Variants in ZFPM1 observed in about 807,000 individuals in gnomAD.
ZFPM1 encodes zinc finger protein ZFPM1.
Under a neutral mutation model 46.3 loss-of-function variants are expected in ZFPM1, and 28 were observed. That is an observed-to-expected ratio of 0.60 (90% CI 0.45 to 0.83). The LOEUF is 0.83. ZFPM1 is among the 40% of genes least tolerant of loss of function. The pLI, the probability that ZFPM1 is intolerant of heterozygous loss-of-function variation, is 0.00. For missense variants in ZFPM1, 1,878 were observed against 1,432.4 expected (o/e 1.31, Z -5.02); for synonymous variants, 957 against 675.9 (o/e 1.42, Z -6.45).
Position 88,465,151 on chromosome 16 carries a change from G to T in ZFPM1, c.40+11473G>T, listed in dbSNP as rs369230847. The stretch of plus-strand genomic sequence containing the variant: ...AACCACAGAGCATCCGGCCTACACC[G>T]CAGCGGCCTCTGCACAGACCCCGTG... On this transcript the variant is annotated intron_variant, in intron 1 of 9. Coordinates refer to ENST00000319555, the MANE Select transcript of ZFPM1 (RefSeq NM_153813.3). Among the ~76,000 whole-genome samples the T allele has an allele frequency of 3.9e-5, 6 of 152,242 alleles. No individual in the cohort carries two copies. In the East Asian group the frequency reaches 5.8e-4, roughly 15 times the overall value.
At chr16:88,466,386 A>G (rs764518766) in intron 1 of ZFPM1, among the ~76,000 whole-genome samples, 16 of 152,230 alleles carry the variant, frequency 1.1e-4, no homozygotes, top group Non-Finnish European at 2.2e-4. Context: ...ATCACACAGC[A>G]TGAAGAGAAC....
chr16:88,532,472 G>A (rs1019001079), intron 7 of ZFPM1, 142 bp from the exon 8 acceptor site: 9 of 911,038 alleles, frequency 9.9e-6, no homozygotes, highest in South Asian at 1.7e-5. Flanking sequence ...AAAGGCGGAG[G>A]AGGAGGAGGA....
chr16:88,473,619 T>G (rs928094368), intron 1 of ZFPM1, among the ~76,000 whole-genome samples: 7 of 152,038 alleles, frequency 4.6e-5, no homozygotes, highest in Non-Finnish European at 1.0e-4. Flanking sequence ...TGACGCAGGC[T>G]GCGCGGCGAT....
chr16:88,522,977 G>T (rs184942891), intron 4 of ZFPM1, among the ~76,000 whole-genome samples: 1 of 152,184 alleles, frequency 6.6e-6, no homozygotes, highest in East Asian at 1.9e-4. Flanking sequence ...AGGCCAAGGC[G>T]GGCAGATCAC....
At position 88,532,240 on chromosome 16, in the gene ZFPM1, GCCCCCA is replaced by G; in HGVS notation, c.946+10_946+15del. ...TCCACATGCGCAGCCACAGCGGTGAGCCCCCACCCCGGACGCGGGTCCTCAGGATGC... is the reference window on the plus strand; with the variant it reads ...TCCACATGCGCAGCCACAGCGGTGAGCCCCGGACGCGGGTCCTCAGGATGC... On this transcript the variant is annotated splice_donor_region_variant and intron_variant, in intron 7 of 9. Transcript: ENST00000319555. 6.3e-7 allele frequency: 1 copy of G among 1,590,622 alleles called. No homozygotes were observed. The highest frequency in any genetic ancestry group is 8.6e-7 in the Non-Finnish European group (1 of 1,165,150).
rs752433684 is a variant in ZFPM1 at position 88,534,505 on chromosome 16, C to A, written c.2547C>A (p.Leu849=). Residue 849 remains leucine, a synonymous_variant, in exon 10 of 10, where the codon CTC becomes CTA. Transcript: ENST00000319555. ...SCPAAPPPGA[L]GLPAAACPYC... is the part of the protein sequence containing the mutation. The stretch of plus-strand genomic sequence containing the variant: ...CCGCTGCGCCACCGCCCGGCGCGCT[C>A]GGCCTGCCCGCCGCCGCCTGCCCCT... 4 of 1,453,052 alleles carry A rather than the reference C, an allele frequency of 2.8e-6. No homozygotes were observed. The highest frequency in any genetic ancestry group is 3.6e-6 in the Non-Finnish European group (4 of 1,106,802). 90.0% of individuals were successfully genotyped at this position (1,453,052 alleles called of 1,614,324 possible). A position where few individuals can be genotyped will look rare whatever the true frequency, so the allele number is the denominator to read the frequency against.
At chr16:88,483,668 G>A (rs1597240892) in intron 1 of ZFPM1, among the ~76,000 whole-genome samples, 3 of 152,132 alleles carry the variant, frequency 2.0e-5, no homozygotes, top group Admixed American at 6.5e-5. Flanking sequence ...ACAGTGGCCC[G>A]GACACCCAGG....
In ZFPM1 at chr16:88,532,795, G is replaced by A. The variant is rs1912899162; in HGVS notation, c.1049G>A (p.Cys350Tyr). The A allele has an allele frequency of 1.9e-6, 3 of 1,613,220 alleles. No individual in the cohort carries two copies. The highest frequency in any genetic ancestry group is 2.5e-6 in the Non-Finnish European group (3 of 1,179,924). Residue 350 changes from cysteine to tyrosine, a missense_variant, in exon 9 of 10, where the codon TGC becomes TAC. Cys to Tyr is a radical substitution (Grantham distance 194). Coordinates refer to ENST00000319555, the MANE Select transcript of ZFPM1 (RefSeq NM_153813.3). ...KVHTDTLSGV[C>Y]HSCGFISTTR... is the part of the protein sequence containing the mutation. Reference sequence around the variant, plus strand: ...ACCTCGCCATGGCCCACAGGTGTCTGCCACAGCTGTGGCTTCATCTCCACC... The same window carrying A: ...ACCTCGCCATGGCCCACAGGTGTCTACCACAGCTGTGGCTTCATCTCCACC...
intron 4 of ZFPM1, chr16:88,516,388 A>G: frequency 2.5e-6 from 1 of 397,764 alleles, no homozygotes; most frequent in Non-Finnish European, 4.4e-6. Context: ...ACGGGGTTAG[A>G]AACGCTCCCA....
intron 3 of ZFPM1, among the ~76,000 whole-genome samples, chr16:88,509,654 G>A (rs1910847098): frequency 6.6e-6 from 1 of 152,134 alleles, no homozygotes; most frequent in Non-Finnish European, 1.5e-5. Context: ...GGGTTCAGGA[G>A]CAGGTGGAGA....
At chr16:88,492,463 C>T (rs981135633) in intron 3 of ZFPM1, among the ~76,000 whole-genome samples, 3 of 152,196 alleles carry the variant, frequency 2.0e-5, no homozygotes, top group African/African-American at 4.8e-5. Flanking sequence ...GGGCACTCTG[C>T]ACCTTGTGGC....
At position 88,461,119 on chromosome 16, in the gene ZFPM1, CCAGG is replaced by C. The variant is rs1204378625; in HGVS notation, c.40+7442_40+7445del. On this transcript the variant is annotated intron_variant, in intron 1 of 9. Transcript: ENST00000319555. ...AGGGGCAGGAGGCCCTGGTGAGGAC[CCAGG>C]GATGGGGCGGGAGACCTGGTGAGGA... Among the ~76,000 whole-genome samples the C allele has an allele frequency of 2.0e-4, 18 of 88,990 alleles. 1 individual carries two copies. The highest frequency in any genetic ancestry group is 7.2e-4 in the South Asian group (2 of 2,796). The allele number at this position is 88,990 out of a possible 152,430, so 58.4% of individuals were successfully genotyped here.
intron 1 of ZFPM1, among the ~76,000 whole-genome samples, chr16:88,483,485 C>A (rs569818394): frequency 1.3e-5 from 2 of 152,350 alleles, no homozygotes; most frequent in Admixed American, 1.3e-4. Context: ...CCAGAGCTGT[C>A]TTCTCAGGGG....
At chr16:88,502,929 C>T (rs1049594201) in intron 3 of ZFPM1, among the ~76,000 whole-genome samples, 10 of 152,262 alleles carry the variant, frequency 6.6e-5, no homozygotes, top group Non-Finnish European at 8.8e-5. Flanking sequence ...GCCCTCAGAG[C>T]GCTCGCCACC....
At chr16:88,514,032 G>C (rs553504673) in intron 3 of ZFPM1, among the ~76,000 whole-genome samples, 1 of 152,176 alleles carries the variant, frequency 6.6e-6, no homozygotes, top group Admixed American at 6.5e-5. Context: ...TCTTTTGGGG[G>C]CCCCCAGTCA....
intron 4 of ZFPM1, among the ~76,000 whole-genome samples, chr16:88,517,820 AGATG>A (rs966800733): frequency 4.1e-5 from 4 of 97,002 alleles, no homozygotes; most frequent in Non-Finnish European, 6.3e-5. Flanking sequence ...GTGGGTGGGT[AGATG>A]GATGGATGGA....
intron 4 of ZFPM1, among the ~76,000 whole-genome samples, chr16:88,521,580 C>A (rs575823684): frequency 2.6e-4 from 36 of 139,336 alleles, no homozygotes; most frequent in African/African-American, 8.6e-4. Flanking sequence ...CTGTGCTGTT[C>A]CCCCAACCCA....
chr16:88,489,362 A>C, intron 3 of ZFPM1: 1 of 748,714 alleles, frequency 1.3e-6, no homozygotes, highest in Non-Finnish European at 2.0e-6. Flanking sequence ...CCCGGGCCTC[A>C]CGTGGTGTAC....
rs373495439 is a variant in ZFPM1, at chr16:88,534,911, A to G, written c.2953A>G (p.Ser985Gly). The part of the protein sequence containing the change: ...YCRLCNIKFS[S>G]LSTFIAHKKY... ...CCGTCTTTGCAACATCAAGTTCAGCAGCCTGTCCACCTTCATCGCCCACAA... is the reference window on the plus strand; with the variant it reads ...CCGTCTTTGCAACATCAAGTTCAGCGGCCTGTCCACCTTCATCGCCCACAA... The change falls in exon 10 of 10, where the codon AGC (serine) becomes GGC (glycine). Residue 985 changes from serine to glycine, a missense_variant. Physicochemically the swap from Ser to Gly is moderately conservative, Grantham distance 56. Transcript: ENST00000319555. The G allele has an allele frequency of 8.3e-6, 13 of 1,558,480 alleles. No homozygotes were observed. The highest frequency in any genetic ancestry group is 1.1e-5 in the Non-Finnish European group (13 of 1,155,482).
Sources: allele counts gnomAD v4.1 joint callset (sites outside exome capture counted in the v4.1 genomes callset), GRCh38; gene constraint gnomAD v4.1.1; transcripts MANE v1.5; gene names NCBI Gene and HGNC (gene_info 2026-07-23, HGNC 2026-07-21).